AGBL4: variants seen among roughly 807,000 people sequenced by gnomAD.
The protein encoded by AGBL4 is AGBL carboxypeptidase 4.
A neutral mutation model predicts 66.4 loss-of-function variants in AGBL4; 58 were observed. That is an observed-to-expected ratio of 0.87 (90% CI 0.71 to 1.09). The LOEUF (loss-of-function observed/expected upper bound fraction) is 1.09, where lower values mean the gene tolerates loss of function less well. Among genes scored for constraint, AGBL4 ranks in the 50% least tolerant of loss-of-function variants. AGBL4 has a pLI of 0.00. For synonymous variants in AGBL4, 234 were observed against 222.9 expected, an observed-to-expected ratio of 1.05 and a Z score of -0.44; for missense variants, 579 against 631.0, an observed-to-expected ratio of 0.92 and a Z score of 0.88.
chr1:49,004,798 CCTCAGAAA>C (rs1374197525), intron 5 of AGBL4, among the ~76,000 whole-genome samples: 3 of 152,108 alleles, frequency 2.0e-5, no homozygotes, highest in Non-Finnish European at 2.9e-5. Flanking sequence ...GACAACTTCA[CCTCAGAAA>C]AAGCAGATGG....
chr1:49,071,798 T>C (rs1005970806), intron 4 of AGBL4, among the ~76,000 whole-genome samples: 1 of 151,476 alleles, frequency 6.6e-6, no homozygotes, highest in Non-Finnish European at 1.5e-5. Context: ...CCCGATATCC[T>C]TGTGAATTTT....
chr1:49,816,295 G>A (rs545505491), intron 2 of AGBL4, among the ~76,000 whole-genome samples: 3 of 152,250 alleles, frequency 2.0e-5, no homozygotes, highest in East Asian at 1.9e-4. Flanking sequence ...AGAAGAGAGT[G>A]GCCCCAGCAA....
At chr1:48,733,647 T>C (rs1648523565) in intron 6 of AGBL4, among the ~76,000 whole-genome samples, 1 of 152,198 alleles carries the variant, frequency 6.6e-6, no homozygotes. Context: ...TGAGGTGTAT[T>C]CTTCTACATT....
intron 9 of AGBL4, among the ~76,000 whole-genome samples, chr1:48,621,586 C>T (rs543639804): frequency 1.3e-5 from 2 of 152,272 alleles, no homozygotes; most frequent in East Asian, 3.9e-4. Flanking sequence ...TACATCCATT[C>T]TTTTTGCGTA....
At chr1:49,064,025 T>C (rs545422757) in intron 4 of AGBL4, among the ~76,000 whole-genome samples, 5 of 152,358 alleles carry the variant, frequency 3.3e-5, no homozygotes, top group South Asian at 4.1e-4. Context: ...AAGTGACTTA[T>C]CTTCTTTCAC....
chr1:49,260,812 G>A (rs1273979010), intron 3 of AGBL4, among the ~76,000 whole-genome samples: 2 of 151,974 alleles, frequency 1.3e-5, no homozygotes, highest in Admixed American at 1.3e-4. Flanking sequence ...ATTTGATGAG[G>A]CCAGCATCAT....
At chr1:48,808,566 G>T (rs570374875) in intron 6 of AGBL4, among the ~76,000 whole-genome samples, 1 of 151,066 alleles carries the variant, frequency 6.6e-6, no homozygotes, top group African/African-American at 2.4e-5. Flanking sequence ...CAGCAGAGAA[G>T]AGAAAACCAA....
chr1:49,645,671 A>C (rs1645870708), intron 3 of AGBL4, among the ~76,000 whole-genome samples: 2 of 151,202 alleles, frequency 1.3e-5, no homozygotes, highest in South Asian at 4.1e-4. Flanking sequence ...GGTCTTACCA[A>C]AAGATTCTGA....
In AGBL4 at chr1:49,594,721, T is replaced by A. The variant is rs561335210; in HGVS notation, c.282+102592A>T. Among the ~76,000 whole-genome samples the A allele has an allele frequency of 2.8e-3, 428 of 152,336 alleles. 9 individuals carry two copies. The East Asian group carries it at 0.074, about 26-fold the overall frequency. The stretch of plus-strand genomic sequence containing the variant: ...TCATCCTTTTTTATGGCTGCATAGT[T>A]ATCCATGGTGTATATGTGCCACATT... On this transcript the variant is annotated intron_variant, in intron 3 of 13. Transcript: ENST00000371839.
intron 10 of AGBL4, among the ~76,000 whole-genome samples, chr1:48,590,624 C>T (rs571165264): frequency 4.6e-5 from 7 of 152,212 alleles, no homozygotes; most frequent in South Asian, 2.1e-4. Context: ...AAAATGCTAC[C>T]TTCTCAAAGA....
At chr1:48,775,243 C>G (rs1046682491) in intron 6 of AGBL4, among the ~76,000 whole-genome samples, 5 of 152,088 alleles carry the variant, frequency 3.3e-5, no homozygotes, top group Non-Finnish European at 7.4e-5. Flanking sequence ...TAGAGCCTGT[C>G]AAAAAGGGTC....
At chr1:49,030,165 C>G (rs763457242) in intron 5 of AGBL4, among the ~76,000 whole-genome samples, 1 of 152,072 alleles carries the variant, frequency 6.6e-6, no homozygotes, top group African/African-American at 2.4e-5. Flanking sequence ...ATGCTGAAAT[C>G]CTAATCCCCA....
intron 3 of AGBL4, among the ~76,000 whole-genome samples, chr1:49,541,341 G>A (rs1558034211): frequency 1.3e-5 from 2 of 152,252 alleles, no homozygotes; most frequent in East Asian, 3.9e-4. Flanking sequence ...AGGGAGAGGC[G>A]TGGGCAGGAA....
chr1:49,096,028 G>A (rs1352162274), intron 4 of AGBL4, among the ~76,000 whole-genome samples: 26 of 151,914 alleles, frequency 1.7e-4, no homozygotes, highest in African/African-American at 5.1e-4. Flanking sequence ...AGTGGGCAAA[G>A]GATATGAACA....
chr1:49,355,940 A>T (rs1644010711), intron 3 of AGBL4, among the ~76,000 whole-genome samples: 2 of 152,188 alleles, frequency 1.3e-5, no homozygotes, highest in Admixed American at 1.3e-4. Flanking sequence ...AACCGGAGAG[A>T]CAATCGTAGT....
At chr1:49,830,546 A>C (rs1298101879) in intron 2 of AGBL4, among the ~76,000 whole-genome samples, 1 of 152,028 alleles carries the variant, frequency 6.6e-6, no homozygotes, top group Non-Finnish European at 1.5e-5. Context: ...TTTTTCTCCA[A>C]TTTTGTGAGT....
intron 3 of AGBL4, among the ~76,000 whole-genome samples, chr1:49,351,077 C>G (rs774266575): frequency 2.0e-5 from 3 of 152,122 alleles, no homozygotes; most frequent in Admixed American, 6.5e-5. Flanking sequence ...TTCAGTTTTC[C>G]TAGTATGTTC....
chr1:48,624,751 C>T (rs749914602), intron 9 of AGBL4, among the ~76,000 whole-genome samples: 18 of 152,100 alleles, frequency 1.2e-4, no homozygotes, highest in Non-Finnish European at 2.5e-4. Context: ...TACAGGGAAC[C>T]CTTGAAGATG....
intron 13 of AGBL4, 79 bp downstream of exon 13, chr1:48,534,811 A>C: frequency 7.1e-7 from 1 of 1,405,160 alleles, no homozygotes; most frequent in Non-Finnish European, 9.8e-7. Context: ...CAAGGCTGCC[A>C]GAATAGGTGA....
Sources: gnomAD v4.1 joint callset for allele counts (sites outside exome capture counted in the v4.1 genomes callset) on GRCh38, gnomAD v4.1.1 for gene constraint, MANE v1.5 for transcripts, NCBI Gene and HGNC (gene_info 2026-07-23, HGNC 2026-07-21) for gene names.